Variants in THSD7A observed in about 807,000 individuals in gnomAD.
THSD7A encodes the protein thrombospondin type-1 domain-containing protein 7A.
Under a neutral mutation model 231.3 loss-of-function variants are expected in THSD7A, and 96 were observed. The observed-to-expected ratio is 0.41, with a 90% CI of 0.35 to 0.49. THSD7A has a LOEUF of 0.49. Ranked by LOEUF, THSD7A falls within the 20% of genes least tolerant of loss-of-function variation. The probability of loss-of-function intolerance (pLI) is 0.05; values close to 1 mark genes in which losing one functional copy is unlikely to be tolerated. For synonymous variants in THSD7A, 940 were observed against 743.3 expected, an observed-to-expected ratio of 1.26 and a Z score of -4.30; for missense variants, 2,290 against 2,070.2, an observed-to-expected ratio of 1.11 and a Z score of -2.06.
intron 1 of THSD7A, among the ~76,000 whole-genome samples, chr7:11,826,994 T>C (rs1785051759): frequency 6.6e-6 from 1 of 152,052 alleles, no homozygotes; most frequent in Admixed American, 6.6e-5. Context: ...TTTTAACTTT[T>C]ATATTTTATT....
intron 1 of THSD7A, among the ~76,000 whole-genome samples, chr7:11,762,109 C>A (rs181124857): frequency 6.6e-6 from 1 of 152,124 alleles, no homozygotes; most frequent in Admixed American, 6.6e-5. Flanking sequence ...GCATAGTATT[C>A]CATGGTGTAT....
In THSD7A at chr7:11,447,370, TG is replaced by T; in HGVS notation, c.2659del (p.Gln887SerfsTer23). 6.2e-7 allele frequency: 1 copy of T among 1,609,344 alleles called. No homozygotes were observed. Among genetic ancestry groups the T allele is most frequent in the Non-Finnish European group, 8.5e-7 (1 of 1,177,936 alleles). ...AAGGGCTGGCACAGGGCCTGCATAC[TG>T]TAGGCACTCATGGATTCCAGCCTGT... ...GGQAGIHECLQYAGPVPALTQ... is the reference protein window; with the variant it reads ...GGQAGIHECLXYAGPVPALTQ... On this transcript the variant is annotated frameshift_variant, in exon 12 of 28. Transcript: ENST00000423059. LOFTEE classifies it high-confidence loss of function.
rs1340567558 is a variant in THSD7A, at chr7:11,371,854, T to TGAC, written c.*3937_*3939dup. 2.0e-5 allele frequency: 3 copies of TGAC among 151,094 alleles called. No homozygotes were observed. The highest frequency in any genetic ancestry group is 4.4e-5 in the Non-Finnish European group (3 of 67,942). The allele number at this position is 151,094 out of a possible 1,614,324, so 9.4% of individuals were successfully genotyped here. ...TCAGGATGTTCACACTCTGAGTGAG[T>TGAC]GACACTTTGATTCTAATAGGGAAGG... is the stretch of plus-strand genomic sequence containing the variant. On this transcript the variant is annotated 3_prime_UTR_variant, in exon 28 of 28. Transcript: ENST00000423059.
At position 11,407,435 on chromosome 7, in the gene THSD7A, G is replaced by C; in HGVS notation, c.3799-12C>G. The C allele has an allele frequency of 6.3e-7, 1 of 1,598,812 alleles. No homozygotes were observed. Among genetic ancestry groups the C allele is most frequent in the Non-Finnish European group, 8.6e-7 (1 of 1,168,598 alleles). ...TTCTCCAAGCCAAGCTGGAAGAACA[G>C]AGGTAGATCAGGATGTATATTGTAA... On this transcript the variant is annotated splice_polypyrimidine_tract_variant and intron_variant, in intron 19 of 27. Coordinates refer to ENST00000423059, the MANE Select transcript of THSD7A (RefSeq NM_015204.3).
At chr7:11,478,936 C>A (rs146815525) in intron 7 of THSD7A, among the ~76,000 whole-genome samples, 103 of 152,204 alleles carry the variant, frequency 6.8e-4, no homozygotes, top group African/African-American at 2.4e-3. Context: ...CTTACATTAA[C>A]AATGAAACGT....
intron 13 of THSD7A, among the ~76,000 whole-genome samples, chr7:11,441,489 G>T (rs1024896350): frequency 2.6e-5 from 4 of 151,998 alleles, no homozygotes; most frequent in African/African-American, 4.8e-5. Context: ...TCTGCCCTTT[G>T]TTTTGTAACA....
chr7:11,545,053 CTT>C (rs986896213), intron 4 of THSD7A, among the ~76,000 whole-genome samples: 14 of 152,228 alleles, frequency 9.2e-5, no homozygotes, highest in East Asian at 5.8e-4. Context: ...ATATAAAAAA[CTT>C]GACACCAATG....
intron 2 of THSD7A, among the ~76,000 whole-genome samples, chr7:11,603,128 T>C (rs1780607586): frequency 6.6e-6 from 1 of 150,868 alleles, no homozygotes; most frequent in Admixed American, 6.6e-5. Context: ...AACCTACTCA[T>C]CTGACAAAGG....
At chr7:11,407,161 G>T (rs111863392) in intron 20 of THSD7A, 106 bp from the exon 21 acceptor site, 8 of 1,491,276 alleles carry the variant, frequency 5.4e-6, no homozygotes, top group African/African-American at 2.8e-5. Context: ...GGCAATCCAG[G>T]AACAAGTAAG....
chr7:11,528,983 TAAGTC>T (rs1261280782), intron 6 of THSD7A, among the ~76,000 whole-genome samples: 3 of 152,178 alleles, frequency 2.0e-5, no homozygotes, highest in African/African-American at 4.8e-5. Flanking sequence ...TGATCATACA[TAAGTC>T]AAGTCCAATT....
chr7:11,396,711 G>C (rs1694773294), intron 23 of THSD7A, among the ~76,000 whole-genome samples: 1 of 152,144 alleles, frequency 6.6e-6, no homozygotes, highest in African/African-American at 2.4e-5. Flanking sequence ...ACAAAGAGGA[G>C]CTGGTACCAT....
chr7:11,763,900 T>C (rs1782944997), intron 1 of THSD7A, among the ~76,000 whole-genome samples: 1 of 152,166 alleles, frequency 6.6e-6, no homozygotes, highest in African/African-American at 2.4e-5. Context: ...GTGGAGTAGT[T>C]AAAGTAAGAC....
At chr7:11,498,922 G>A (rs1008935602) in intron 6 of THSD7A, among the ~76,000 whole-genome samples, 4 of 152,002 alleles carry the variant, frequency 2.6e-5, no homozygotes, top group African/African-American at 4.8e-5. Context: ...ATGGGTTCCC[G>A]TTCTCATATC....
At chr7:11,652,907 C>A (rs183153748) in intron 1 of THSD7A, among the ~76,000 whole-genome samples, 1 of 151,878 alleles carries the variant, frequency 6.6e-6, no homozygotes, top group Non-Finnish European at 1.5e-5. Context: ...CTATAGGATT[C>A]TAGGAAAAAT....
chr7:11,727,749 C>T (rs1469019675), intron 1 of THSD7A, among the ~76,000 whole-genome samples: 3 of 151,848 alleles, frequency 2.0e-5, no homozygotes, highest in African/African-American at 2.4e-5. Flanking sequence ...TAGGTATTCC[C>T]GTATCAATAC....
intron 6 of THSD7A, among the ~76,000 whole-genome samples, chr7:11,540,222 CCTT>C (rs1443757363): frequency 4.6e-5 from 7 of 152,204 alleles, no homozygotes; most frequent in African/African-American, 1.4e-4. Flanking sequence ...GCAATGATCT[CCTT>C]CTTCCCATTT....
intron 6 of THSD7A, among the ~76,000 whole-genome samples, chr7:11,493,328 G>A (rs1025222141): frequency 5.9e-5 from 9 of 152,040 alleles, no homozygotes; most frequent in East Asian, 1.9e-4. Flanking sequence ...GTCAACATAC[G>A]TTGAAATTAA....
intron 4 of THSD7A, among the ~76,000 whole-genome samples, chr7:11,563,343 A>G (rs1218510611): frequency 6.6e-6 from 1 of 152,080 alleles, no homozygotes; most frequent in African/African-American, 2.4e-5. Context: ...TAGCTACGAT[A>G]ACTCATTATT....
In THSD7A at chr7:11,460,108, G is replaced by A. The variant is rs180736588; in HGVS notation, c.2605+554C>T. 3.8e-4 allele frequency among the ~76,000 whole-genome samples: 58 copies of A among 151,992 alleles called. 2 individuals are homozygous for A. The highest frequency in any genetic ancestry group is 6.3e-4 in the African/African-American group (26 of 41,474). The stretch of plus-strand genomic sequence containing the variant: ...ATTACCCATTTCTGCAAGATTCCAC[G>A]TTATTTAGTGGTGCAGATTGTAATT... On this transcript the variant is annotated intron_variant, in intron 11 of 27. Transcript: ENST00000423059.
Sources: gnomAD v4.1 joint callset for allele counts (sites outside exome capture counted in the v4.1 genomes callset) on GRCh38, gnomAD v4.1.1 for gene constraint, MANE v1.5 for transcripts, NCBI Gene and HGNC (gene_info 2026-07-23, HGNC 2026-07-21) for gene names.